Variants in CCNE2 observed in about 807,000 individuals in gnomAD.
The protein encoded by CCNE2 is G1/S-specific cyclin-E2.
A neutral mutation model predicts 56.8 loss-of-function variants in CCNE2; 18 were observed. The ratio of observed to expected loss-of-function variants is 0.32; its 90% CI spans 0.22 to 0.47. The LOEUF (loss-of-function observed/expected upper bound fraction) is 0.47. Ranked by LOEUF, CCNE2 falls within the 20% of genes least tolerant of loss-of-function variation. CCNE2 has a pLI of 1.00. For synonymous variants in CCNE2, 139 were observed against 149.2 expected (o/e 0.93, Z 0.50); for missense variants, 371 against 467.1 (o/e 0.79, Z 1.90).
At position 94,890,475 on chromosome 8, in the gene CCNE2, T is replaced by C; in HGVS notation, c.393A>G (p.Glu131=). Reference sequence around the variant, plus strand: ...GTGGTTCCAAGTCAGAATGCAGAACTTCAAAATGTTTGTCATGAACATATC... The same window carrying C: ...GTGGTTCCAAGTCAGAATGCAGAACCTCAAAATGTTTGTCATGAACATATC... ...ESRYVHDKHF[E]VLHSDLEPQM... The change falls in exon 6 of 12, where the codon GAA becomes GAG. Residue 131 remains glutamate (E), a synonymous_variant. Coordinates refer to ENST00000308108, the MANE Select transcript of CCNE2 (RefSeq NM_057749.3). 3 of 1,608,922 alleles carry C rather than the reference T, an allele frequency of 1.9e-6. No individual in the cohort carries two copies. In the South Asian group the frequency reaches 3.3e-5, roughly 18 times the overall value.
chr8:94,880,592 T>C lies in CCNE2; in HGVS notation c.*1040A>G, dbSNP rs544122306. On this transcript the variant is annotated 3_prime_UTR_variant, in exon 12 of 12. Coordinates refer to ENST00000308108, the MANE Select transcript of CCNE2 (RefSeq NM_057749.3). ...AGTTTTCATGTCTTTTTTTAATAAA[T>C]AGATTTCTAGGAGTCAGTATATATT... 1 of 341,922 alleles carries C rather than the reference T, an allele frequency of 2.9e-6. No individual in the cohort carries two copies. Among genetic ancestry groups the C allele is most frequent in the Non-Finnish European group, 5.2e-6 (1 of 193,170 alleles). 21.2% of individuals were successfully genotyped at this position (341,922 alleles called of 1,614,324 possible). A position where few individuals can be genotyped will look rare whatever the true frequency, so the allele number is the denominator to read the frequency against.
Position 94,881,553 on chromosome 8 carries a change from C to G in CCNE2, c.*79G>C. 1 of 1,436,990 alleles carries G rather than the reference C, an allele frequency of 7.0e-7. No homozygotes were observed. Among genetic ancestry groups the G allele is most frequent in the Non-Finnish European group, 9.6e-7 (1 of 1,044,194 alleles). 89.0% of individuals were successfully genotyped at this position (1,436,990 alleles called of 1,614,324 possible). Reference sequence around the variant, plus strand: ...GGGCAATCAATCACAGCACTACTTTCTGTAAAACTTTAGTAGTTCAGTGAT... The same window carrying G: ...GGGCAATCAATCACAGCACTACTTTGTGTAAAACTTTAGTAGTTCAGTGAT... On this transcript the variant is annotated 3_prime_UTR_variant, in exon 12 of 12. Transcript: ENST00000308108.
At chr8:94,887,088 T>C (rs1325413991) in intron 7 of CCNE2, among the ~76,000 whole-genome samples, 1 of 152,216 alleles carries the variant, frequency 6.6e-6, no homozygotes, top group Non-Finnish European at 1.5e-5. Flanking sequence ...ATACCAGCTA[T>C]AAAAGTCTTA....
chr8:94,896,435 C>T (rs2131143002), upstream of CCNE2: 1 of 152,314 alleles, frequency 6.6e-6, no homozygotes, highest in East Asian at 1.9e-4. Flanking sequence ...CTATGAATGC[C>T]CCCACAACTG....
chr8:94,888,716 G>C (rs187792854), intron 6 of CCNE2, among the ~76,000 whole-genome samples: 209 of 152,120 alleles, frequency 1.4e-3, no homozygotes, highest in African/African-American at 4.8e-3. Context: ...AGTAGAGATG[G>C]GATTTTGCCA....
At chr8:94,890,994 A>C (rs1488221061) in intron 5 of CCNE2, among the ~76,000 whole-genome samples, 6 of 152,222 alleles carry the variant, frequency 3.9e-5, no homozygotes, top group Non-Finnish European at 7.3e-5. Flanking sequence ...TTTTAATTAG[A>C]ACTTGGAAGA....
chr8:94,888,935 G>C (rs1450536365), intron 6 of CCNE2, among the ~76,000 whole-genome samples: 11 of 152,174 alleles, frequency 7.2e-5, no homozygotes, highest in Non-Finnish European at 1.5e-4. Context: ...GATCACTTGA[G>C]GTCAGGAGTT....
chr8:94,892,766 A>T, intron 5 of CCNE2, 52 bp downstream of exon 5: 1 of 1,043,654 alleles, frequency 9.6e-7, no homozygotes, highest in Non-Finnish European at 1.3e-6. Context: ...GCCATGTATT[A>T]AATCAGCACA....
In CCNE2 at chr8:94,880,694, C is replaced by T. The variant is rs1242904191; in HGVS notation, c.*938G>A. ...TATCACTTTGACACTGTCCTTATCTCACAATGGAGGAATTTAGAAAGGACC... is the reference window on the plus strand; with the variant it reads ...TATCACTTTGACACTGTCCTTATCTTACAATGGAGGAATTTAGAAAGGACC... On this transcript the variant is annotated 3_prime_UTR_variant, in exon 12 of 12. Coordinates refer to ENST00000308108, the MANE Select transcript of CCNE2 (RefSeq NM_057749.3). 2 of 394,394 alleles carry T rather than the reference C, an allele frequency of 5.1e-6. No individual in the cohort carries two copies. The highest frequency in any genetic ancestry group is 8.9e-6 in the Non-Finnish European group (2 of 224,074). 24.4% of individuals were successfully genotyped at this position (394,394 alleles called of 1,614,324 possible).
chr8:94,890,771 T>C (rs968850532), intron 5 of CCNE2, among the ~76,000 whole-genome samples: 3 of 151,846 alleles, frequency 2.0e-5, no homozygotes, highest in Admixed American at 6.6e-5. Context: ...TTTTTGTATT[T>C]TTAGTAGAGA....
At chr8:94,883,926 G>T in intron 9 of CCNE2, 1 of 456,212 alleles carries the variant, frequency 2.2e-6, no homozygotes, top group Non-Finnish European at 4.4e-6. Context: ...GAAGAGCTGG[G>T]AATTGGAAGT....
At chr8:94,881,785 A>C in intron 11 of CCNE2, 40 bp from the exon 12 acceptor site, 1 of 1,610,438 alleles carries the variant, frequency 6.2e-7, no homozygotes, top group South Asian at 1.1e-5. Flanking sequence ...TTCATAAATC[A>C]AAGTCAAACC....
At chr8:94,885,400 C>A (rs1271752134) in intron 8 of CCNE2, 63 bp downstream of exon 8, 3 of 1,137,272 alleles carry the variant, frequency 2.6e-6, no homozygotes, top group African/African-American at 3.1e-5. Flanking sequence ...TCAATTATAA[C>A]TACTTATGTT....
intron 5 of CCNE2, chr8:94,891,680 A>AC (rs1302765535): frequency 7.6e-6 from 4 of 526,334 alleles, no homozygotes; most frequent in East Asian, 8.0e-5. Flanking sequence ...AAAAAAAAAA[A>AC]CACCATGAAG....
intron 5 of CCNE2, chr8:94,891,781 G>T: frequency 6.9e-7 from 1 of 1,441,408 alleles, no homozygotes. Flanking sequence ...CAAGCAGTGG[G>T]ACTGGACACA....
At chr8:94,889,217 CTTA>C (rs543986147) in intron 6 of CCNE2, among the ~76,000 whole-genome samples, 61 of 151,386 alleles carry the variant, frequency 4.0e-4, no homozygotes, top group African/African-American at 1.5e-3. Flanking sequence ...TAGCATTTTT[CTTA>C]TTTACTGTTA....
At chr8:94,887,554 A>G (rs1348542750) in intron 7 of CCNE2, among the ~76,000 whole-genome samples, 1 of 152,164 alleles carries the variant, frequency 6.6e-6, no homozygotes. Context: ...AACCCAACAC[A>G]GTATGCATTT....
At chr8:94,883,681 TAAGA>T in intron 9 of CCNE2, 2 of 235,064 alleles carry the variant, frequency 8.5e-6, no homozygotes, top group Non-Finnish European at 1.8e-5. Flanking sequence ...AGTTCCATTT[TAAGA>T]AAGATACCTT....
intron 4 of CCNE2, chr8:94,893,607 C>G: frequency 2.6e-6 from 1 of 391,320 alleles, no homozygotes; most frequent in East Asian, 4.5e-5. Flanking sequence ...GAACAAAGAG[C>G]AGTATATTGG....
Sources: gnomAD v4.1 joint callset for allele counts (sites outside exome capture counted in the v4.1 genomes callset) on GRCh38, gnomAD v4.1.1 for gene constraint, MANE v1.5 for transcripts, NCBI Gene and HGNC (gene_info 2026-07-23, HGNC 2026-07-21) for gene names.